EPG5: variants seen among roughly 807,000 people sequenced by gnomAD.
EPG5 encodes the protein ectopic P granules protein 5 homolog.
A neutral mutation model predicts 302.7 loss-of-function variants in EPG5; 159 were observed. That is an observed-to-expected ratio of 0.53 (90% CI 0.46 to 0.60). The LOEUF (loss-of-function observed/expected upper bound fraction) is 0.60. EPG5 is among the 20% of genes least tolerant of loss of function. The probability of loss-of-function intolerance (pLI) is 0.00; values close to 1 mark genes in which losing one functional copy is unlikely to be tolerated. For missense variants in EPG5, 2,896 were observed against 3,092.4 expected (o/e 0.94, Z 1.51); for synonymous variants, 1,158 against 1,136.8 (o/e 1.02, Z -0.37).
intron 13 of EPG5, among the ~76,000 whole-genome samples, chr18:45,927,593 T>TACACACAC (rs67488772): frequency 0.029 from 3,844 of 133,408 alleles, 72 homozygotes; most frequent in East Asian, 0.054. Context: ...CAAAAAGTTA[T>TACACACAC]ACACACACAC....
chr18:45,880,075 C>T lies in EPG5; in HGVS notation c.5667G>A (p.Gln1889=), dbSNP rs2049058512. The part of the protein sequence containing the change: ...SSSDALLSDK[Q]VMETIQWLSD... ...ACGTCAGAGACCAAAGGCTACACACCTGCTTGTCTGACAAGAGAGCATCAG... is the reference window on the plus strand; with the variant it reads ...ACGTCAGAGACCAAAGGCTACACACTTGCTTGTCTGACAAGAGAGCATCAG... Residue 1889 remains glutamine (Q), a splice_region_variant and synonymous_variant, in exon 32 of 44, where the codon CAG becomes CAA. Coordinates refer to ENST00000282041, the MANE Select transcript of EPG5 (RefSeq NM_020964.3). The T allele has an allele frequency of 6.3e-7, 1 of 1,580,168 alleles. No individual in the cohort carries two copies. The highest frequency in any genetic ancestry group is 8.6e-7 in the Non-Finnish European group (1 of 1,160,866).
chr18:45,836,405 GGGGCACCGGCT>G, the EPG5 span, among the ~76,000 whole-genome samples: 5,999 of 152,190 alleles, frequency 0.039, 381 homozygotes, highest in African/African-American at 0.14. Context: ...ACTGCACCCT[GGGGCACCGGCT>G]GGGCAGGCTT....
intron 27 of EPG5, among the ~76,000 whole-genome samples, chr18:45,891,743 A>C (rs1331850558): frequency 6.6e-6 from 1 of 152,216 alleles, no homozygotes; most frequent in East Asian, 1.9e-4. Flanking sequence ...TAGAACATAT[A>C]ATGTTAACAA....
chr18:45,855,254 T>TCCAGCCCCTGCC (rs1003265820), intron 43 of EPG5: 1 of 200,078 alleles, frequency 5.0e-6, no homozygotes, highest in African/African-American at 2.3e-5. Flanking sequence ...AGTCCCCAGC[T>TCCAGCCCCTGCC]CCAGCCCCTG....
At chr18:45,908,412 C>G (rs910012080) in intron 23 of EPG5, among the ~76,000 whole-genome samples, 1 of 152,144 alleles carries the variant, frequency 6.6e-6, no homozygotes, top group African/African-American at 2.4e-5. Flanking sequence ...GGATCTGAAT[C>G]TGGAGCTTTT....
At position 45,966,228 on chromosome 18, in the gene EPG5, C is replaced by T. The variant is rs544384162; in HGVS notation, c.63+949G>A. ...TCTACTAAAAATACAAAAAATTAGC[C>T]GGGCGTGGTGGCAGGCGCCTGTAGT... On this transcript the variant is annotated intron_variant, in intron 1 of 43. Coordinates refer to ENST00000282041, the MANE Select transcript of EPG5 (RefSeq NM_020964.3). Among the ~76,000 whole-genome samples the T allele has an allele frequency of 9.9e-5, 15 of 151,330 alleles. 1 individual carries two copies. Among genetic ancestry groups the T allele is most frequent in the Admixed American group, 4.0e-4 (6 of 15,170 alleles).
the EPG5 span, among the ~76,000 whole-genome samples, chr18:45,827,558 T>A: frequency 5.3e-4 from 80 of 152,330 alleles, no homozygotes; most frequent in Non-Finnish European, 5.9e-4. Context: ...CCACCTCTGC[T>A]GTTTGCTGTT....
the EPG5 span, among the ~76,000 whole-genome samples, chr18:45,810,945 C>T: frequency 5.3e-5 from 8 of 152,066 alleles, no homozygotes; most frequent in African/African-American, 1.2e-4. Context: ...GCAGAAAAAG[C>T]GTTTGACAAA....
chr18:45,864,605 C>CT (rs1018886592), intron 39 of EPG5, among the ~76,000 whole-genome samples: 11 of 152,088 alleles, frequency 7.2e-5, no homozygotes, highest in African/African-American at 1.9e-4. Context: ...TGTTTTGTGA[C>CT]TTTTTTTACT....
At chr18:45,890,449 C>A (rs1280419786) in intron 27 of EPG5, among the ~76,000 whole-genome samples, 1 of 152,102 alleles carries the variant, frequency 6.6e-6, no homozygotes, top group African/African-American at 2.4e-5. Context: ...CAAACCAACT[C>A]CATGCCAAGG....
intron 15 of EPG5, among the ~76,000 whole-genome samples, 170 bp downstream of exon 15, chr18:45,923,098 T>G (rs922189311): frequency 6.6e-6 from 1 of 152,272 alleles, no homozygotes; most frequent in Non-Finnish European, 1.5e-5. Flanking sequence ...TACAGGCTAT[T>G]TCTTAAAGAA....
At chr18:45,846,336 C>T (rs961044575), downstream of EPG5, among the ~76,000 whole-genome samples, 19 of 151,918 alleles carry the variant, frequency 1.3e-4, no homozygotes, top group Admixed American at 9.2e-4. Flanking sequence ...GCCTGGCCAA[C>T]AAGGCGAAAC....
intron 42 of EPG5, among the ~76,000 whole-genome samples, chr18:45,856,056 C>T (rs575626061): frequency 1.6e-4 from 24 of 152,198 alleles, no homozygotes; most frequent in Admixed American, 5.9e-4. Flanking sequence ...TAGGTATACA[C>T]AAAAAACTAA....
chr18:45,875,332 C>G (rs566163686), intron 35 of EPG5, among the ~76,000 whole-genome samples: 1 of 152,220 alleles, frequency 6.6e-6, no homozygotes, highest in African/African-American at 2.4e-5. Flanking sequence ...CAACCCCCAA[C>G]AGGAATTTCA....
At chr18:45,902,937 T>C (rs1224956527) in intron 25 of EPG5, among the ~76,000 whole-genome samples, 1 of 152,218 alleles carries the variant, frequency 6.6e-6, no homozygotes, top group Non-Finnish European at 1.5e-5. Context: ...AGGACTGAGT[T>C]AATGCATATA....
At chr18:45,821,284 C>T in the EPG5 span, among the ~76,000 whole-genome samples, 6 of 152,180 alleles carry the variant, frequency 3.9e-5, no homozygotes, top group Non-Finnish European at 8.8e-5. Context: ...CACTATAAAG[C>T]AGCAATGTGG....
chr18:45,838,596 G>A, the EPG5 span: 11 of 1,315,394 alleles, frequency 8.4e-6, no homozygotes, highest in Non-Finnish European at 1.1e-5. Context: ...TGGGACGGGG[G>A]CAGCCTGGCA....
At chr18:45,908,474 AC>A (rs1295900238) in intron 23 of EPG5, among the ~76,000 whole-genome samples, 1 of 152,242 alleles carries the variant, frequency 6.6e-6, no homozygotes, top group Non-Finnish European at 1.5e-5. Flanking sequence ...CAAAAATAAT[AC>A]ATTCAAATAA....
At chr18:45,878,555 C>A (rs769398773) in intron 33 of EPG5, 107 bp from the exon 34 acceptor site, 52 of 710,476 alleles carry the variant, frequency 7.3e-5, no homozygotes, top group Admixed American at 5.0e-4. Context: ...GCTTCATAAA[C>A]CTATGTTAAT....
Sources: allele counts gnomAD v4.1 joint callset (sites outside exome capture counted in the v4.1 genomes callset), GRCh38; gene constraint gnomAD v4.1.1; transcripts MANE v1.5; gene names NCBI Gene and HGNC (gene_info 2026-07-23, HGNC 2026-07-21).